TRIM9: variants seen among roughly 807,000 people sequenced by gnomAD.
TRIM9 encodes E3 ubiquitin-protein ligase TRIM9.
Under a neutral mutation model 78.3 loss-of-function variants are expected in TRIM9, and 26 were observed. The ratio of observed to expected loss-of-function variants is 0.33; its 90% CI spans 0.24 to 0.46. The LOEUF is 0.46. Ranked by LOEUF, TRIM9 falls within the 20% of genes least tolerant of loss-of-function variation. The probability of loss-of-function intolerance (pLI) is 1.00; values close to 1 mark genes in which losing one functional copy is unlikely to be tolerated. For missense variants in TRIM9, 787 were observed against 1,036.4 expected (o/e 0.76, Z 3.30); for synonymous variants, 398 against 416.5 (o/e 0.96, Z 0.54).
intron 1 of TRIM9, among the ~76,000 whole-genome samples, chr14:51,082,203 G>A (rs1169018165): frequency 6.6e-6 from 1 of 152,174 alleles, no homozygotes; most frequent in Non-Finnish European, 1.5e-5. Flanking sequence ...GGTTTTAGGA[G>A]CTCTGAGCCA....
intron 1 of TRIM9, among the ~76,000 whole-genome samples, chr14:51,081,711 G>A (rs996493686): frequency 8.5e-5 from 13 of 152,114 alleles, no homozygotes; most frequent in African/African-American, 2.4e-4. Flanking sequence ...CCCTTCTCAC[G>A]TTTGATAATT....
chr14:50,981,667 G>C, intron 11 of TRIM9, 133 bp downstream of exon 11: 1 of 1,119,246 alleles, frequency 8.9e-7, no homozygotes, highest in South Asian at 1.5e-5. Context: ...CTCATAGATT[G>C]CCTGTGCTAC....
chr14:51,017,647 G>C (rs934595599), intron 3 of TRIM9, among the ~76,000 whole-genome samples: 1 of 152,226 alleles, frequency 6.6e-6, no homozygotes, highest in African/African-American at 2.4e-5. Context: ...ATGTTTTGTA[G>C]CATGTGAAGT....
chr14:51,047,959 CA>C (rs34404791), intron 1 of TRIM9, among the ~76,000 whole-genome samples: 70,483 of 146,086 alleles, frequency 0.48, 16,636 homozygotes, highest in South Asian at 0.65. Context: ...GACCCTGTCT[CA>C]AAAAAAAAAA....
intron 1 of TRIM9, among the ~76,000 whole-genome samples, chr14:51,082,263 A>C (rs1340548171): frequency 6.6e-6 from 1 of 152,198 alleles, no homozygotes; most frequent in Non-Finnish European, 1.5e-5. Flanking sequence ...CATGATACTC[A>C]AGGTAATTGA....
intron 5 of TRIM9, among the ~76,000 whole-genome samples, chr14:51,005,456 G>T (rs1038191864): frequency 1.3e-5 from 2 of 152,156 alleles, no homozygotes; most frequent in Non-Finnish European, 2.9e-5. Flanking sequence ...TTTCACTTCA[G>T]TACCATGACT....
chr14:51,089,782 C>T (rs61987474), intron 1 of TRIM9, among the ~76,000 whole-genome samples: 56,367 of 152,074 alleles, frequency 0.37, 10,756 homozygotes, highest in East Asian at 0.58. Flanking sequence ...GGACTGTACC[C>T]TATGCTCTGA....
intron 7 of TRIM9, chr14:50,996,032 A>G: frequency 2.2e-6 from 2 of 927,982 alleles, no homozygotes; most frequent in Non-Finnish European, 2.6e-6. Flanking sequence ...AATGTATTAG[A>G]ATGAGGGAGA....
At chr14:51,074,093 T>C (rs775978836) in intron 1 of TRIM9, among the ~76,000 whole-genome samples, 1 of 152,078 alleles carries the variant, frequency 6.6e-6, no homozygotes, top group Non-Finnish European at 1.5e-5. Flanking sequence ...ATAATAGTAA[T>C]GATCATAACA....
chr14:51,044,861 G>A (rs886277605), intron 1 of TRIM9, among the ~76,000 whole-genome samples: 5 of 152,176 alleles, frequency 3.3e-5, no homozygotes, highest in African/African-American at 1.2e-4. Flanking sequence ...TCCACTAAGT[G>A]AGAGTTTCTG....
At position 50,981,982 on chromosome 14, in the gene TRIM9, G is replaced by A. The variant is rs764756569; in HGVS notation, c.1980C>T (p.Ser660=). Residue 660 remains serine, a synonymous_variant, in exon 11 of 13, where the codon TCC becomes TCT. Transcript: ENST00000684578. ...DRVVLGKTGF[S]KGIHYWELTV... Reference sequence around the variant, plus strand: ...TGAGCTCCCAGTAGTGGATGCCCTTGGAGAAGCCAGTCTTCCCTAGCACCA... The same window carrying A: ...TGAGCTCCCAGTAGTGGATGCCCTTAGAGAAGCCAGTCTTCCCTAGCACCA... 1.5e-5 allele frequency: 24 copies of A among 1,614,048 alleles called. No homozygotes were observed. The East Asian group carries it at 5.1e-4, about 34-fold the overall frequency.
chr14:51,028,872 A>C (rs956784071), intron 1 of TRIM9, among the ~76,000 whole-genome samples: 7 of 151,898 alleles, frequency 4.6e-5, no homozygotes, highest in Admixed American at 4.6e-4. Flanking sequence ...GAAACAAAGA[A>C]CTCTGCCTCC....
At chr14:50,985,844 G>T (rs2052637489) in intron 8 of TRIM9, 112 bp downstream of exon 8, 3 of 982,674 alleles carry the variant, frequency 3.1e-6, no homozygotes, top group Non-Finnish European at 4.2e-6. Flanking sequence ...CACAGACAGA[G>T]ACTAGCTCAT....
intron 5 of TRIM9, among the ~76,000 whole-genome samples, chr14:51,006,868 T>C (rs2055873552): frequency 6.6e-6 from 1 of 152,164 alleles, no homozygotes; most frequent in South Asian, 2.1e-4. Context: ...CCTCTTACTT[T>C]TGTGCGCAGT....
At position 50,979,336 on chromosome 14, in the gene TRIM9, T is replaced by G. The variant is rs17123314; in HGVS notation, c.2325+51A>C. On this transcript the variant is annotated intron_variant, in intron 12 of 12. Coordinates refer to ENST00000684578, the MANE Select transcript of TRIM9 (RefSeq NM_001387360.1). ...TGGATTGAACGGCCCTGGGCAGCCT[T>G]TGAACCGGTAGCCAGCAACAGCTGT... The G allele has an allele frequency of 3.6e-4, 574 of 1,614,090 alleles. 2 individuals carry two copies. In the African/African-American group the frequency reaches 6.5e-3, roughly 18 times the overall value.
chr14:50,997,320 T>C lies in TRIM9; in HGVS notation c.1603+730A>G, dbSNP rs375053094. The C allele has an allele frequency of 7.7e-5, 76 of 985,370 alleles. No individual in the cohort carries two copies. The African/African-American group carries it at 1.2e-3, about 16-fold the overall frequency. The allele number at this position is 985,370 out of a possible 1,614,324, so 61.0% of individuals were successfully genotyped here. A position where few individuals can be genotyped will look rare whatever the true frequency, so the allele number is the denominator to read the frequency against. ...ATGACCAAAATATTTAAAGTATAGC[T>C]AAGAAGCAAAAATTCTCTAGAGATG... On this transcript the variant is annotated intron_variant, in intron 7 of 12. Transcript: ENST00000684578.
chr14:50,985,838 G>A (rs1345494681), intron 8 of TRIM9, 118 bp downstream of exon 8: 1 of 939,106 alleles, frequency 1.1e-6, no homozygotes, highest in Non-Finnish European at 1.5e-6. Context: ...GCAGGCCACA[G>A]ACAGAGACTA....
At chr14:51,022,408 T>C (rs1045657670) in intron 3 of TRIM9, among the ~76,000 whole-genome samples, 26 of 152,318 alleles carry the variant, frequency 1.7e-4, no homozygotes, top group African/African-American at 5.5e-4. Context: ...GCCAACACCA[T>C]GCTTTTGGAC....
At chr14:51,053,595 ATT>A (rs59227932) in intron 1 of TRIM9, among the ~76,000 whole-genome samples, 1,169 of 82,200 alleles carry the variant, frequency 0.014, 18 homozygotes, top group African/African-American at 0.056. Context: ...TTTTTTTTTA[ATT>A]TTTTTTTTTT....
Sources: gnomAD v4.1 joint callset for allele counts (sites outside exome capture counted in the v4.1 genomes callset) on GRCh38, gnomAD v4.1.1 for gene constraint, MANE v1.5 for transcripts, NCBI Gene and HGNC (gene_info 2026-07-23, HGNC 2026-07-21) for gene names.